LYZL1: variants seen among roughly 807,000 people sequenced by gnomAD.
LYZL1 encodes the protein lysozyme like 1.
A neutral mutation model predicts 17.9 loss-of-function variants in LYZL1; 16 were observed. The ratio of observed to expected loss-of-function variants is 0.90; its 90% confidence interval spans 0.61 to 1.36. LYZL1 has a LOEUF of 1.36. LYZL1 is among the 40% of genes most tolerant of loss of function. The probability of loss-of-function intolerance (pLI) is 0.00; values close to 1 mark genes in which losing one functional copy is unlikely to be tolerated. For missense variants in LYZL1, 149 were observed against 188.4 expected (o/e 0.79, Z 1.22); for synonymous variants, 58 against 71.8 (o/e 0.81, Z 0.97).
intron 3 of LYZL1, among the ~76,000 whole-genome samples, chr10:29,308,329 C>T (rs879780671): frequency 2.6e-5 from 4 of 152,276 alleles, no homozygotes; most frequent in Non-Finnish European, 4.4e-5. Context: ...CTCTGATGGG[C>T]GGTGCTCACT....
downstream of LYZL1, among the ~76,000 whole-genome samples, chr10:29,315,473 T>C (rs1266341261): frequency 6.6e-6 from 1 of 151,916 alleles, no homozygotes; most frequent in East Asian, 1.9e-4. Flanking sequence ...ATTGCATCAC[T>C]GCACTCCAGC....
downstream of LYZL1, among the ~76,000 whole-genome samples, chr10:29,311,988 T>C (rs868468613): frequency 9.4e-5 from 14 of 149,146 alleles, no homozygotes; most frequent in South Asian, 8.6e-4. Flanking sequence ...GAGGGAACGT[T>C]TTTTTTCCGG....
chr10:29,314,189 C>T (rs1191630173), downstream of LYZL1, among the ~76,000 whole-genome samples: 1 of 152,124 alleles, frequency 6.6e-6, no homozygotes, highest in Non-Finnish European at 1.5e-5. Flanking sequence ...TCCTCTAACC[C>T]CTAAAGCTCT....
chr10:29,317,026 G>A (rs1276692258), intron 3 of LYZL1, among the ~76,000 whole-genome samples: 1 of 152,076 alleles, frequency 6.6e-6, no homozygotes, highest in Non-Finnish European at 1.5e-5. Flanking sequence ...CCTCTTCCAG[G>A]TTTTTTACAG....
At chr10:29,311,852 C>A (rs1835676647), downstream of LYZL1, among the ~76,000 whole-genome samples, 1 of 151,938 alleles carries the variant, frequency 6.6e-6, no homozygotes, top group Admixed American at 6.6e-5. Context: ...GTGGTGCGTG[C>A]CTGTAATGCC....
chr10:29,307,652 A>T lies in LYZL1; in HGVS notation c.299-2458A>T, dbSNP rs924398634. ...GAGCATTTCCCCCATGTTATAAAAC[A>T]TCCTGGGAAAACATAATTTAAATGG... is the stretch of plus-strand genomic sequence containing the variant. On this transcript the variant is annotated intron_variant, in intron 3 of 4. Transcript: ENST00000649382. 2.6e-5 allele frequency among the ~76,000 whole-genome samples: 4 copies of T among 152,252 alleles called. No homozygotes were observed. In the South Asian group the frequency reaches 8.3e-4, roughly 32 times the overall value.
intron 3 of LYZL1, among the ~76,000 whole-genome samples, chr10:29,298,226 A>G (rs937895565): frequency 4.6e-5 from 7 of 152,208 alleles, no homozygotes; most frequent in African/African-American, 1.2e-4. Flanking sequence ...CCCTTGCCCA[A>G]TGAGGAATGG....
intron 3 of LYZL1, among the ~76,000 whole-genome samples, chr10:29,317,079 C>A (rs949227349): frequency 6.6e-6 from 1 of 152,090 alleles, no homozygotes; most frequent in Non-Finnish European, 1.5e-5. Flanking sequence ...AATTTTATAG[C>A]TATTTTTAAA....
At chr10:29,306,571 A>AG (rs1299810672) in intron 3 of LYZL1, among the ~76,000 whole-genome samples, 1 of 147,648 alleles carries the variant, frequency 6.8e-6, no homozygotes, top group East Asian at 1.9e-4. Flanking sequence ...AAAAAAAAAA[A>AG]AAAAGAAAAA....
In LYZL1 at chr10:29,291,878, C is replaced by T. The variant is rs372668753; in HGVS notation, c.11C>T (p.Ala4Val). 181 of 1,578,984 alleles carry T rather than the reference C, an allele frequency of 1.1e-4. No homozygotes were observed. In the East Asian group the frequency reaches 1.6e-3, roughly 14 times the overall value. The stretch of plus-strand genomic sequence containing the variant: ...CGGCAGGCTTTGAGGATGAAGGCTG[C>T]GGGCATTCTGACCCTCATTGGCTGC... MKA[A>V]GILTLIGCLV... Residue 4 changes from alanine (A) to valine (V), a missense_variant, in exon 2 of 5, where the codon GCG becomes GTG. Coordinates refer to ENST00000649382, the MANE Select transcript of LYZL1 (RefSeq NM_032517.6).
At chr10:29,304,978 T>C (rs968670875) in intron 3 of LYZL1, among the ~76,000 whole-genome samples, 1 of 152,188 alleles carries the variant, frequency 6.6e-6, no homozygotes, top group Non-Finnish European at 1.5e-5. Context: ...TTACAGGGCA[T>C]CCACAATCAA....
At chr10:29,307,036 G>C (rs910582962) in intron 3 of LYZL1, among the ~76,000 whole-genome samples, 21 of 152,046 alleles carry the variant, frequency 1.4e-4, no homozygotes, top group Non-Finnish European at 2.1e-4. Context: ...TGTATTTTTA[G>C]AAGAGATGGG....
chr10:29,301,348 G>T (rs995598775), intron 3 of LYZL1, among the ~76,000 whole-genome samples: 3 of 152,072 alleles, frequency 2.0e-5, no homozygotes, highest in Non-Finnish European at 2.9e-5. Context: ...CCAGTCTCAG[G>T]TATGTCTTTA....
At chr10:29,310,702 C>CCGG (rs1275233123) in intron 4 of LYZL1, among the ~76,000 whole-genome samples, 2 of 152,150 alleles carry the variant, frequency 1.3e-5, no homozygotes, top group Non-Finnish European at 1.5e-5. Flanking sequence ...ACGTTGCCAG[C>CCGG]CGGCCCCACT....
Position 29,311,047 on chromosome 10 carries a change from T to A in LYZL1, c.435T>A (p.Cys145Ter), listed in dbSNP as rs199993914. 14 of 1,613,910 alleles carry A rather than the reference T, an allele frequency of 8.7e-6. No homozygotes were observed. The highest frequency in any genetic ancestry group is 1.1e-5 in the Non-Finnish European group (13 of 1,179,766). ...ACCTGTCCGAGTGGAAAAAAGGCTG[T>A]GAGGTTTCCTAAACTGGAACTGGAC... Reference protein sequence around the residue: ...GRDLSEWKKGCEVS With the variant: ...GRDLSEWKKG The change falls in exon 5 of 5, where the codon TGT (cysteine) becomes TGA (stop). Residue 145 changes from cysteine (C) to a stop codon, truncating the protein, a stop_gained. Transcript: ENST00000649382. LOFTEE classifies it high-confidence loss of function.
At chr10:29,302,535 A>G (rs944616865) in intron 3 of LYZL1, among the ~76,000 whole-genome samples, 5 of 152,190 alleles carry the variant, frequency 3.3e-5, no homozygotes, top group Admixed American at 6.5e-5. Context: ...GTAGCTGTAC[A>G]TGGATGTTCA....
intron 3 of LYZL1, among the ~76,000 whole-genome samples, chr10:29,293,913 G>T (rs989740815): frequency 3.3e-5 from 5 of 151,930 alleles, no homozygotes; most frequent in Admixed American, 2.6e-4. Context: ...GGTGGAGGTT[G>T]CAGTGAGCCG....
intron 3 of LYZL1, among the ~76,000 whole-genome samples, chr10:29,305,256 CT>C: frequency 6.6e-6 from 1 of 152,200 alleles, no homozygotes; most frequent in East Asian, 1.9e-4. Flanking sequence ...GTACCAAATG[CT>C]TAAATTTGGA....
At chr10:29,314,821 G>A (rs978602832), downstream of LYZL1, among the ~76,000 whole-genome samples, 2 of 152,136 alleles carry the variant, frequency 1.3e-5, no homozygotes, top group Admixed American at 6.5e-5. Flanking sequence ...CCTGAGATAC[G>A]GAAGGGGTAA....
Sources: gnomAD v4.1 joint callset for allele counts (sites outside exome capture counted in the v4.1 genomes callset) on GRCh38, gnomAD v4.1.1 for gene constraint, MANE v1.5 for transcripts, NCBI Gene and HGNC (gene_info 2026-07-23, HGNC 2026-07-21) for gene names.